Variants in ZNF610 observed in about 807,000 individuals in gnomAD.
ZNF610 encodes zink finger protein.
A neutral mutation model predicts 14.1 loss-of-function variants in ZNF610; 14 were observed. That is an observed-to-expected ratio of 0.99 (90% CI 0.65 to 1.55). ZNF610 has a LOEUF of 1.55. Ranked by LOEUF, ZNF610 falls within the 40% of genes most tolerant of loss-of-function variation. The pLI is 0.00. For synonymous variants in ZNF610, 185 were observed against 187.6 expected (o/e 0.99, Z 0.11); for missense variants, 530 against 558.0 (o/e 0.95, Z 0.51).
At chr19:52,358,656 G>C (rs1365553109) in intron 5 of ZNF610, among the ~76,000 whole-genome samples, 1 of 152,170 alleles carries the variant, frequency 6.6e-6, no homozygotes, top group African/African-American at 2.4e-5. Context: ...TGTAGGTCTT[G>C]TGGTAGTACA....
chr19:52,356,163 T>C (rs1395416359), intron 5 of ZNF610, among the ~76,000 whole-genome samples: 1 of 152,010 alleles, frequency 6.6e-6, no homozygotes, highest in Non-Finnish European at 1.5e-5. Context: ...AATGTATGTA[T>C]GTATTCTTAT....
At chr19:52,343,596 G>A (rs1162568699) in intron 1 of ZNF610, among the ~76,000 whole-genome samples, 1 of 152,094 alleles carries the variant, frequency 6.6e-6, no homozygotes, top group Admixed American at 6.6e-5. Context: ...CAGTTAGGAT[G>A]GAAATAGGCC....
intron 1 of ZNF610, among the ~76,000 whole-genome samples, chr19:52,343,773 C>T (rs1048897186): frequency 3.3e-5 from 5 of 152,080 alleles, no homozygotes; most frequent in Non-Finnish European, 7.4e-5. Flanking sequence ...ACCTTGAAGG[C>T]TAACGGTGTG....
chr19:52,357,944 G>A (rs1293814523), intron 5 of ZNF610, among the ~76,000 whole-genome samples: 1 of 152,180 alleles, frequency 6.6e-6, no homozygotes, highest in African/African-American at 2.4e-5. Flanking sequence ...ATGTGTGTGA[G>A]TTCCTGCTCA....
In ZNF610 at chr19:52,366,533, G is replaced by A. The variant is rs147926504; in HGVS notation, c.1155G>A (p.Pro385=). 702 of 1,613,336 alleles carry A rather than the reference G, an allele frequency of 4.4e-4. 12 individuals carry two copies. In the East Asian group the frequency reaches 0.014, roughly 32 times the overall value. ...GTGGAAGAGCATTTCACAAGCGTCCGGGCCTTATGGCCCATCTTCTAATCC... is the reference window on the plus strand; with the variant it reads ...GTGGAAGAGCATTTCACAAGCGTCCAGGCCTTATGGCCCATCTTCTAATCC... The part of the protein sequence containing the change: ...NECGRAFHKR[P]GLMAHLLIHT... The change falls in exon 6 of 6, where the codon CCG becomes CCA. Residue 385 remains proline (P), a synonymous_variant. Transcript: ENST00000403906.
At chr19:52,339,712 TTTCTC>T (rs1475154120) in intron 1 of ZNF610, among the ~76,000 whole-genome samples, 1 of 152,194 alleles carries the variant, frequency 6.6e-6, no homozygotes, top group African/African-American at 2.4e-5. Flanking sequence ...AACAGTCTGA[TTTCTC>T]TTTCTTATCC....
At chr19:52,335,318 C>T (rs1299708734), upstream of ZNF610, among the ~76,000 whole-genome samples, 2 of 152,100 alleles carry the variant, frequency 1.3e-5, no homozygotes, top group East Asian at 1.9e-4. Context: ...AACATCCCTC[C>T]GGGGACAGGA....
rs149775491 is a variant in ZNF610 at position 52,366,718 on chromosome 19, G to A, written c.1340G>A (p.Arg447Gln). The change falls in exon 6 of 6, where the codon CGG (arginine) becomes CAG (glutamine). Residue 447 changes from arginine (R) to glutamine (Q), a missense_variant. Transcript: ENST00000403906. ...FNQNPHLSRH[R>Q]KIHAGENSLR... ...CAAAATCCACACCTTTCACGACATC[G>A]GAAAATTCATGCTGGAGAGAATTCA... is the stretch of plus-strand genomic sequence containing the variant. 2.6e-4 allele frequency: 418 copies of A among 1,614,010 alleles called. 1 individual carries two copies. In the African/African-American group the frequency reaches 4.7e-3, roughly 18 times the overall value.
At chr19:52,348,878 G>GTC (rs1164538535) in intron 2 of ZNF610, among the ~76,000 whole-genome samples, 3 of 152,170 alleles carry the variant, frequency 2.0e-5, no homozygotes, top group African/African-American at 7.2e-5. Flanking sequence ...TCACAGCTGT[G>GTC]TCTCTTCCCT....
At position 52,362,429 on chromosome 19, in the gene ZNF610, A is replaced by C. The variant is rs138176584; in HGVS notation, c.320-3269A>C. Among the ~76,000 whole-genome samples the C allele has an allele frequency of 9.7e-3, 1,480 of 152,162 alleles. 10 individuals carry two copies. The highest frequency in any genetic ancestry group is 0.015 in the Non-Finnish European group (998 of 67,994). On this transcript the variant is annotated intron_variant, in intron 5 of 5. Coordinates refer to ENST00000403906, the MANE Select transcript of ZNF610 (RefSeq NM_001161425.2). ...CATCTCAAAAATAAATAAATACATA[A>C]ATTTTGTAGAGATGGTGTCTTGTAT...
At chr19:52,348,960 C>G (rs1347373259) in intron 2 of ZNF610, among the ~76,000 whole-genome samples, 194 bp from the exon 3 acceptor site, 1 of 152,064 alleles carries the variant, frequency 6.6e-6, no homozygotes, top group African/African-American at 2.4e-5. Flanking sequence ...AGGAGGGGAG[C>G]GAGTCCTGAA....
chr19:52,354,158 G>C, intron 4 of ZNF610, 93 bp from the exon 5 acceptor site: 2 of 1,525,552 alleles, frequency 1.3e-6, no homozygotes, highest in Non-Finnish European at 1.8e-6. Context: ...TATTATTCTT[G>C]ATCCATTTGC....
chr19:52,339,580 TTC>T (rs1984571904), intron 1 of ZNF610, among the ~76,000 whole-genome samples: 1 of 146,738 alleles, frequency 6.8e-6, no homozygotes, highest in South Asian at 2.1e-4. Flanking sequence ...CAGCACGTGT[TTC>T]TGCGGGCACA....
intron 5 of ZNF610, among the ~76,000 whole-genome samples, chr19:52,365,354 C>T (rs1448968751): frequency 4.6e-5 from 7 of 152,180 alleles, no homozygotes; most frequent in African/African-American, 1.4e-4. Flanking sequence ...TAGCTTTATG[C>T]GTATATTATA....
chr19:52,341,400 C>A (rs955451658), intron 1 of ZNF610, among the ~76,000 whole-genome samples: 5 of 152,102 alleles, frequency 3.3e-5, no homozygotes, highest in South Asian at 4.2e-4. Flanking sequence ...ACCTCTGCCT[C>A]CCGGATTCAA....
rs978001722 is a variant in ZNF610, at chr19:52,361,193, T to C, written c.320-4505T>C. Among the ~76,000 whole-genome samples, 11 of 144,816 alleles carry C rather than the reference T, an allele frequency of 7.6e-5. No homozygotes were observed. The South Asian group carries it at 8.7e-4, about 11-fold the overall frequency. On this transcript the variant is annotated intron_variant, in intron 5 of 5. Transcript: ENST00000403906. ...AATCTCATTTTCTTTTTTTTTTTTT[T>C]CCGAGACAGAGTCTCGCTCTTGTTG...
chr19:52,339,405 T>A (rs543335737), intron 1 of ZNF610, among the ~76,000 whole-genome samples: 1 of 151,988 alleles, frequency 6.6e-6, no homozygotes, highest in Non-Finnish European at 1.5e-5. Context: ...GGACAATACC[T>A]GGTTTTCCTA....
At chr19:52,335,071 G>C (rs991351872), upstream of ZNF610, among the ~76,000 whole-genome samples, 2 of 151,122 alleles carry the variant, frequency 1.3e-5, no homozygotes, top group African/African-American at 2.4e-5. Flanking sequence ...GGGGCGTGGG[G>C]GGGGGGTGTG....
rs1306659052 is a variant in ZNF610, at chr19:52,366,670, A to G, written c.1292A>G (p.Asn431Ser). The G allele has an allele frequency of 6.2e-7, 1 of 1,614,170 alleles. No individual in the cohort carries two copies. Among genetic ancestry groups the G allele is most frequent in the Admixed American group, 1.7e-5 (1 of 60,018 alleles). ...IHTGERPYKC[N>S]ACGKVFNQNP... ...ACTGGAGAGAGACCTTACAAGTGTA[A>G]TGCATGTGGCAAGGTCTTCAATCAA... The change falls in exon 6 of 6, where the codon AAT becomes AGT. Residue 431 changes from asparagine to serine, a missense_variant. Physicochemically the swap from Asn to Ser is conservative, Grantham distance 46. Transcript: ENST00000403906.
Sources: allele counts gnomAD v4.1 joint callset (sites outside exome capture counted in the v4.1 genomes callset), GRCh38; gene constraint gnomAD v4.1.1; transcripts MANE v1.5; gene names NCBI Gene and HGNC (gene_info 2026-07-23, HGNC 2026-07-21).